Variants in SMG6 observed in about 807,000 individuals in gnomAD.
SMG6 encodes the protein SMG6 nonsense mediated mRNA decay factor, also known as telomerase-binding protein EST1A.
SMG6 carries 66 observed loss-of-function variants against 142.2 expected under a neutral mutation model. The observed-to-expected ratio is 0.46, with a 90% CI of 0.38 to 0.57. The LOEUF is 0.57. Among genes scored for constraint, SMG6 ranks in the 20% least tolerant of loss-of-function variants. SMG6 has a pLI of 0.00. For missense variants in SMG6, 1,793 were observed against 1,832.0 expected (o/e 0.98, Z 0.39); for synonymous variants, 779 against 702.4 (o/e 1.11, Z -1.72).
chr17:2,122,054 G>T (rs956716335), intron 13 of SMG6, among the ~76,000 whole-genome samples: 2 of 152,128 alleles, frequency 1.3e-5, no homozygotes, highest in East Asian at 1.9e-4. Context: ...GGATGGTCTC[G>T]AACTCCTGGC....
intron 8 of SMG6, among the ~76,000 whole-genome samples, chr17:2,263,235 C>T (rs2074353919): frequency 6.6e-6 from 1 of 152,142 alleles, no homozygotes; most frequent in Non-Finnish European, 1.5e-5. Context: ...GTTGAAGAAA[C>T]CCATTTTCTA....
chr17:2,299,965 C>G lies in SMG6; in HGVS notation c.788G>C (p.Gly263Ala), dbSNP rs143294643. ...AGCTCCCTCAGCGCTGTTGTTGCTG[C>G]CAGCTGAGCTGGTGCTGCGCGTGCG... ...RYRTRSTSSAGSNNSAEGAGL... is the reference protein window; with the variant it reads ...RYRTRSTSSAASNNSAEGAGL... Residue 263 changes from glycine (G) to alanine (A), a missense_variant, in exon 2 of 19, where the codon GGC becomes GCC. Transcript: ENST00000263073. This position sits in a 1 kb window ranked among gnomAD's most constrained non-coding sequence, Gnocchi z 4.3. 3 of 1,614,102 alleles carry G rather than the reference C, an allele frequency of 1.9e-6. No homozygotes were observed. Among genetic ancestry groups the G allele is most frequent in the Non-Finnish European group, 2.5e-6 (3 of 1,180,034 alleles).
At chr17:2,116,746 T>G (rs1029504597) in intron 13 of SMG6, among the ~76,000 whole-genome samples, 91 of 151,514 alleles carry the variant, frequency 6.0e-4, no homozygotes, top group African/African-American at 2.0e-3. Context: ...AGACTCTGCC[T>G]CAAAAAAATA....
chr17:2,091,856 T>G (rs111955911), intron 13 of SMG6, among the ~76,000 whole-genome samples: 6,086 of 141,436 alleles, frequency 0.043, 357 homozygotes, highest in African/African-American at 0.15. Flanking sequence ...GTGTGTGTGT[T>G]TTTTTTTAGT....
At chr17:2,201,578 A>G (rs2072524069) in intron 10 of SMG6, among the ~76,000 whole-genome samples, 1 of 151,658 alleles carries the variant, frequency 6.6e-6, no homozygotes, top group Non-Finnish European at 1.5e-5. Flanking sequence ...TGTAATGCCA[A>G]CTACGCAGGA....
intron 10 of SMG6, 113 bp from the exon 11 acceptor site, chr17:2,188,628 T>C: frequency 1.2e-6 from 1 of 865,460 alleles, no homozygotes; most frequent in Non-Finnish European, 1.8e-6. Context: ...TGATATTCCC[T>C]CTCTCAGAGT....
intron 14 of SMG6, among the ~76,000 whole-genome samples, chr17:2,084,748 C>T (rs1452130578): frequency 6.6e-6 from 1 of 152,222 alleles, no homozygotes; most frequent in Non-Finnish European, 1.5e-5. Flanking sequence ...GTCCCATGTT[C>T]CTTCCCACCT....
chr17:2,091,687 T>TG (rs2068719774), intron 13 of SMG6, among the ~76,000 whole-genome samples: 1 of 150,418 alleles, frequency 6.6e-6, no homozygotes, highest in Non-Finnish European at 1.5e-5. Flanking sequence ...TTTTTTTTTT[T>TG]TGAGAGAGAG....
chr17:2,083,803 G>C (rs2068485848), intron 14 of SMG6, among the ~76,000 whole-genome samples: 1 of 152,240 alleles, frequency 6.6e-6, no homozygotes, highest in Non-Finnish European at 1.5e-5. Flanking sequence ...AAGAGGGTCA[G>C]AGAAGCTTGT....
At chr17:2,191,237 C>A (rs2072152253) in intron 10 of SMG6, among the ~76,000 whole-genome samples, 1 of 152,222 alleles carries the variant, frequency 6.6e-6, no homozygotes, top group Admixed American at 6.5e-5. Context: ...CTGCTCTTGG[C>A]CTCACGTAGG....
At chr17:2,164,987 C>G (rs930975956) in intron 13 of SMG6, among the ~76,000 whole-genome samples, 8 of 152,042 alleles carry the variant, frequency 5.3e-5, no homozygotes, top group African/African-American at 1.9e-4. Context: ...CTTTTTGTCA[C>G]GTAAGGTAAC....
chr17:2,155,567 T>C (rs2070976351), intron 13 of SMG6, among the ~76,000 whole-genome samples: 1 of 152,154 alleles, frequency 6.6e-6, no homozygotes, highest in Admixed American at 6.5e-5. Flanking sequence ...AAGATGTGTG[T>C]TACAGCAGTA....
chr17:2,156,863 G>A (rs778351788), intron 13 of SMG6, among the ~76,000 whole-genome samples: 1 of 152,138 alleles, frequency 6.6e-6, no homozygotes, highest in Non-Finnish European at 1.5e-5. Flanking sequence ...ATGTTGCCCA[G>A]ACTGGTCTCG....
chr17:2,183,212 C>T (rs535935527), intron 12 of SMG6, among the ~76,000 whole-genome samples: 5 of 147,586 alleles, frequency 3.4e-5, no homozygotes, highest in East Asian at 2.0e-4. Context: ...GGTAACAGAG[C>T]GAGACCCTGG....
chr17:2,103,876 A>G (rs1567600502), intron 13 of SMG6, among the ~76,000 whole-genome samples: 2 of 152,136 alleles, frequency 1.3e-5, no homozygotes, highest in African/African-American at 4.8e-5. Flanking sequence ...TCGTCTCAAG[A>G]TTAGTCTGCC....
chr17:2,302,997 C>A (rs2075318303), intron 1 of SMG6: 1 of 985,366 alleles, frequency 1.0e-6, no homozygotes, highest in South Asian at 4.7e-5. Context: ...AGGTGAGACA[C>A]TTAGAATCTT....
rs928475474 is a variant in SMG6, at chr17:2,300,330, G to A, written c.423C>T (p.Pro141=). The A allele has an allele frequency of 1.9e-5, 30 of 1,613,730 alleles. No individual in the cohort carries two copies. The highest frequency in any genetic ancestry group is 9.3e-5 in the African/African-American group (7 of 74,906). The part of the protein sequence containing the change: ...SLKIIKRTKK[P]DLQIYQPGRR... ...GTCCAGGCTGATAGATCTGCAGGTC[G>A]GGTTTCTTTGTTCTTTTGATAATTT... The change falls in exon 2 of 19, where the codon CCC becomes CCT. Residue 141 remains proline (P), a synonymous_variant. Coordinates refer to ENST00000263073, the MANE Select transcript of SMG6 (RefSeq NM_017575.5).
chr17:2,267,928 T>C (rs2074459383), intron 8 of SMG6, among the ~76,000 whole-genome samples: 1 of 152,046 alleles, frequency 6.6e-6, no homozygotes, highest in Non-Finnish European at 1.5e-5. Flanking sequence ...TTTGTATTTT[T>C]AGTAGAGACG....
At chr17:2,226,102 C>G (rs1397506800) in intron 10 of SMG6, among the ~76,000 whole-genome samples, 2 of 151,992 alleles carry the variant, frequency 1.3e-5, no homozygotes, top group Non-Finnish European at 2.9e-5. Context: ...ATGGAGAAAC[C>G]CTGTTTCTAC....
Sources: gnomAD v4.1 joint callset for allele counts (sites outside exome capture counted in the v4.1 genomes callset) on GRCh38, gnomAD v4.1.1 for gene constraint, Gnocchi (gnomAD v3.1) non-coding constraint, MANE v1.5 for transcripts, NCBI Gene and HGNC (gene_info 2026-07-23, HGNC 2026-07-21) for gene names.